Variants in TBC1D22A observed in about 807,000 individuals in gnomAD.
TBC1D22A encodes TBC1 domain family member 22A, also known as putative GTPase activator.
Under a neutral mutation model 60.2 loss-of-function variants are expected in TBC1D22A, and 38 were observed. The observed-to-expected ratio is 0.63, with a 90% confidence interval of 0.49 to 0.83. The LOEUF is 0.83. Among genes scored for constraint, TBC1D22A ranks in the 40% least tolerant of loss-of-function variants. The pLI, the probability that TBC1D22A is intolerant of heterozygous loss-of-function variation, is 0.00. For missense variants in TBC1D22A, 628 were observed against 701.0 expected, an observed-to-expected ratio of 0.90 and a Z score of 1.18; for synonymous variants, 302 against 281.7, an observed-to-expected ratio of 1.07 and a Z score of -0.72.
At position 46,990,405 on chromosome 22, in the gene TBC1D22A, A is replaced by G. The variant is rs190852308; in HGVS notation, c.1126-7229A>G. ...TTGAGCAGGAGGTTAGAGAGGCCCC[A>G]TGTGCTCCTCAGCGTCCTCCTTCAG... On this transcript the variant is annotated intron_variant, in intron 9 of 12. Coordinates refer to ENST00000337137, the MANE Select transcript of TBC1D22A (RefSeq NM_014346.5). The surrounding 1 kb of genome is among the most constrained non-coding windows in gnomAD (Gnocchi z 4.6). Among the ~76,000 whole-genome samples, 401 of 152,138 alleles carry G rather than the reference A, an allele frequency of 2.6e-3. 2 individuals are homozygous for G. Among genetic ancestry groups the G allele is most frequent in the African/African-American group, 9.1e-3 (379 of 41,506 alleles).
intron 10 of TBC1D22A, among the ~76,000 whole-genome samples, chr22:46,999,950 G>A (rs571750891): frequency 2.0e-5 from 3 of 152,290 alleles, no homozygotes; most frequent in Admixed American, 6.5e-5. Flanking sequence ...GCGTGAACCC[G>A]GGAGGCGGAG....
intron 11 of TBC1D22A, among the ~76,000 whole-genome samples, chr22:47,084,868 A>G (rs1180761165): frequency 6.6e-6 from 1 of 152,140 alleles, no homozygotes; most frequent in Non-Finnish European, 1.5e-5. Context: ...TTAGAATCTC[A>G]TGGAAATGGC....
At chr22:47,018,694 T>C (rs1157163921) in intron 10 of TBC1D22A, among the ~76,000 whole-genome samples, 1 of 152,090 alleles carries the variant, frequency 6.6e-6, no homozygotes, top group African/African-American at 2.4e-5. Context: ...ACTGGCTTGG[T>C]AGCACTCCCC....
At chr22:47,157,336 T>A (rs140124997) in intron 12 of TBC1D22A, among the ~76,000 whole-genome samples, 1 of 152,298 alleles carries the variant, frequency 6.6e-6, no homozygotes, top group African/African-American at 2.4e-5. Context: ...CGATCTCTTT[T>A]TGGTGTTCGT....
At chr22:46,828,945 T>C (rs1244316287) in intron 4 of TBC1D22A, among the ~76,000 whole-genome samples, 1 of 152,200 alleles carries the variant, frequency 6.6e-6, no homozygotes, top group Non-Finnish European at 1.5e-5. Flanking sequence ...GGTTCTATAT[T>C]GTCTGTTTCA....
chr22:47,126,830 C>T (rs886908595), intron 12 of TBC1D22A, among the ~76,000 whole-genome samples: 1 of 152,174 alleles, frequency 6.6e-6, no homozygotes, highest in Non-Finnish European at 1.5e-5. Flanking sequence ...GTGGGCGGGA[C>T]TGTGAGTGGG....
At chr22:47,100,561 C>G (rs2065373838) in intron 11 of TBC1D22A, among the ~76,000 whole-genome samples, 1 of 152,120 alleles carries the variant, frequency 6.6e-6, no homozygotes, top group Non-Finnish European at 1.5e-5. Context: ...CCATGCTGTT[C>G]TCATGATGGT....
intron 11 of TBC1D22A, among the ~76,000 whole-genome samples, chr22:47,042,930 C>G (rs1420910815): frequency 1.3e-5 from 2 of 152,220 alleles, no homozygotes; most frequent in African/African-American, 2.4e-5. Context: ...GGAGGTGGGG[C>G]CTGCACTTTG....
At chr22:46,800,525 C>T (rs1253804172) in intron 4 of TBC1D22A, among the ~76,000 whole-genome samples, 4 of 152,086 alleles carry the variant, frequency 2.6e-5, no homozygotes, top group Non-Finnish European at 4.4e-5. Context: ...GTCCTGGAGC[C>T]GGGCTGCCTG....
chr22:46,940,004 C>G (rs1280438774), intron 8 of TBC1D22A, among the ~76,000 whole-genome samples: 1 of 152,160 alleles, frequency 6.6e-6, no homozygotes, highest in Non-Finnish European at 1.5e-5. Flanking sequence ...GGAAATATTC[C>G]AGATTTGGTT....
At chr22:46,949,421 C>G (rs990258959) in intron 8 of TBC1D22A, among the ~76,000 whole-genome samples, 5 of 152,208 alleles carry the variant, frequency 3.3e-5, no homozygotes, top group Non-Finnish European at 7.3e-5. Flanking sequence ...GACCCCGTCC[C>G]CCATGTCTGC....
At chr22:46,969,753 G>A (rs1203978848) in intron 8 of TBC1D22A, among the ~76,000 whole-genome samples, 4 of 152,094 alleles carry the variant, frequency 2.6e-5, no homozygotes, top group African/African-American at 7.2e-5. Context: ...TCTCAACTTG[G>A]TGTCCCCAGA....
Position 46,970,719 on chromosome 22 carries a change from T to C in TBC1D22A, c.1016-3571T>C, listed in dbSNP as rs1300760616. Among the ~76,000 whole-genome samples, 3 of 152,180 alleles carry C rather than the reference T, an allele frequency of 2.0e-5. No individual in the cohort carries two copies. The East Asian group carries it at 5.8e-4, about 29-fold the overall frequency. ...AAATCTGTCATGGGTGTTGGCCATC[T>C]CCGAGTCTTGATTCAGAGACCATTC... On this transcript the variant is annotated intron_variant, in intron 8 of 12. Coordinates refer to ENST00000337137, the MANE Select transcript of TBC1D22A (RefSeq NM_014346.5).
chr22:46,878,318 G>GGAGGGAGAGAGAGAAGGAGGTGA (rs2067664204), intron 4 of TBC1D22A, among the ~76,000 whole-genome samples: 1 of 144,204 alleles, frequency 6.9e-6, no homozygotes. Context: ...GAAGGAGGTG[G>GGAGGGAGAGAGAGAAGGAGGTGA]GAGGGAGAGA....
intron 5 of TBC1D22A, among the ~76,000 whole-genome samples, chr22:46,882,378 G>A (rs2067894919): frequency 6.6e-6 from 1 of 152,268 alleles, no homozygotes; most frequent in East Asian, 1.9e-4. Context: ...AGGAAATACT[G>A]TTACGTCGGT....
intron 11 of TBC1D22A, among the ~76,000 whole-genome samples, chr22:47,055,222 CT>C (rs1349477606): frequency 1.2e-4 from 18 of 152,372 alleles, no homozygotes; most frequent in Admixed American, 2.0e-4. Flanking sequence ...AAGTCTTTCT[CT>C]TTTGTTGCCA....
chr22:47,147,207 G>C (rs915382489), intron 12 of TBC1D22A, among the ~76,000 whole-genome samples: 1 of 152,234 alleles, frequency 6.6e-6, no homozygotes, highest in African/African-American at 2.4e-5. Flanking sequence ...GCCACCTGCA[G>C]AGGGCTAAGG....
At chr22:47,142,952 G>T (rs1340592876) in intron 12 of TBC1D22A, among the ~76,000 whole-genome samples, 1 of 150,714 alleles carries the variant, frequency 6.6e-6, no homozygotes, top group Non-Finnish European at 1.5e-5. Flanking sequence ...AAGCACTGTG[G>T]AGTTCTGAGC....
intron 12 of TBC1D22A, among the ~76,000 whole-genome samples, chr22:47,129,720 CAAA>C (rs1393138391): frequency 6.6e-6 from 1 of 152,164 alleles, no homozygotes; most frequent in East Asian, 1.9e-4. Context: ...TTTTAAAAAA[CAAA>C]AATTTTTATT....
Sources: allele counts gnomAD v4.1 joint callset (sites outside exome capture counted in the v4.1 genomes callset), GRCh38; gene constraint gnomAD v4.1.1; non-coding constraint Gnocchi (gnomAD v3.1); transcripts MANE v1.5; gene names NCBI Gene and HGNC (gene_info 2026-07-23, HGNC 2026-07-21).